AFF3: variants seen among roughly 807,000 people sequenced by gnomAD.
The protein encoded by AFF3 is ALF transcription elongation factor 3.
Under a neutral mutation model 129.7 loss-of-function variants are expected in AFF3, and 32 were observed. The ratio of observed to expected loss-of-function variants is 0.25; its 90% CI spans 0.19 to 0.33. AFF3 has a LOEUF of 0.33. Ranked by LOEUF, AFF3 falls within the 10% of genes least tolerant of loss-of-function variation. The pLI, the probability that AFF3 is intolerant of heterozygous loss-of-function variation, is 1.00. For missense variants in AFF3, 1,373 were observed against 1,592.0 expected (o/e 0.86, Z 2.34); for synonymous variants, 644 against 635.4 (o/e 1.01, Z -0.20).
chr2:100,036,579 A>G (rs1684927771), intron 4 of AFF3, among the ~76,000 whole-genome samples: 1 of 106,832 alleles, frequency 9.4e-6, no homozygotes. Context: ...GCAATGAGAG[A>G]GAATGTAAAA....
At chr2:99,819,134 C>T (rs1480355702) in intron 8 of AFF3, among the ~76,000 whole-genome samples, 1 of 152,230 alleles carries the variant, frequency 6.6e-6, no homozygotes, top group Non-Finnish European at 1.5e-5. Context: ...TGACGTCCCA[C>T]TGGCTTTCAT....
At chr2:99,944,351 G>A (rs1264864910) in intron 7 of AFF3, among the ~76,000 whole-genome samples, 1 of 152,198 alleles carries the variant, frequency 6.6e-6, no homozygotes, top group Non-Finnish European at 1.5e-5. Context: ...TTGGAGTTGA[G>A]TATATTGGGT....
intron 7 of AFF3, among the ~76,000 whole-genome samples, chr2:99,992,059 T>A (rs1442714541): frequency 6.6e-6 from 1 of 152,146 alleles, no homozygotes; most frequent in Non-Finnish European, 1.5e-5. Context: ...TTCACTAGAA[T>A]GTATACATTT....
chr2:99,673,359 CA>C (rs1687334142), intron 11 of AFF3, among the ~76,000 whole-genome samples: 1 of 152,072 alleles, frequency 6.6e-6, no homozygotes, highest in South Asian at 2.1e-4. Flanking sequence ...TTCCCCAGCC[CA>C]CCCAGGTCCC....
chr2:99,879,605 C>A (rs910959713), intron 7 of AFF3, among the ~76,000 whole-genome samples: 1 of 152,132 alleles, frequency 6.6e-6, no homozygotes, highest in Non-Finnish European at 1.5e-5. Flanking sequence ...TGCTCCAAGT[C>A]AACAGGGTAT....
At chr2:100,063,313 T>G (rs1687457659) in intron 4 of AFF3, among the ~76,000 whole-genome samples, 1 of 149,070 alleles carries the variant, frequency 6.7e-6, no homozygotes, top group African/African-American at 2.5e-5. Flanking sequence ...AAAAGAGCTG[T>G]GGAGATTGGC....
At chr2:99,573,754 G>T (rs1426265287) in intron 18 of AFF3, among the ~76,000 whole-genome samples, 2 of 152,194 alleles carry the variant, frequency 1.3e-5, no homozygotes, top group Admixed American at 1.3e-4. Context: ...GGTTCAGGTA[G>T]CCGGGCTCCT....
chr2:99,608,397 G>C (rs754619471), intron 13 of AFF3, among the ~76,000 whole-genome samples: 2 of 152,076 alleles, frequency 1.3e-5, no homozygotes, highest in Admixed American at 1.3e-4. Context: ...CCCTTACCAC[G>C]TTAAGGATTG....
chr2:100,104,792 T>TGCCGCCGCCGCCGCCGCCGCCGCCGCC (rs1442447145), intron 3 of AFF3: 1 of 740,454 alleles, frequency 1.4e-6, no homozygotes, highest in African/African-American at 3.0e-5. Flanking sequence ...CCCGGCCCGC[T>TGCCGCCGCCGCCGCCGCCGCCGCCGCC]GCTGCAGCCG....
chr2:99,870,152 C>T, intron 7 of AFF3, among the ~76,000 whole-genome samples: 1 of 152,304 alleles, frequency 6.6e-6, no homozygotes, highest in South Asian at 2.1e-4. Context: ...AACCTCTGCC[C>T]CAGCCTTAGC....
chr2:100,079,937 T>C (rs1688912938), intron 4 of AFF3, among the ~76,000 whole-genome samples: 1 of 152,186 alleles, frequency 6.6e-6, no homozygotes, highest in Non-Finnish European at 1.5e-5. Flanking sequence ...CCTGATCTTA[T>C]TTTCCTTGCT....
chr2:99,575,242 GAA>G (rs1676869687), intron 18 of AFF3, among the ~76,000 whole-genome samples: 2 of 151,876 alleles, frequency 1.3e-5, no homozygotes, highest in Non-Finnish European at 2.9e-5. Flanking sequence ...CTGCTTAAAG[GAA>G]GAGACGATGC....
At chr2:99,676,821 C>T (rs533748004) in intron 11 of AFF3, among the ~76,000 whole-genome samples, 2 of 152,188 alleles carry the variant, frequency 1.3e-5, no homozygotes, top group African/African-American at 2.4e-5. Context: ...GGCTTTATGT[C>T]GACAGGACAG....
chr2:100,072,404 T>C (rs992276830), intron 4 of AFF3, among the ~76,000 whole-genome samples: 3 of 152,166 alleles, frequency 2.0e-5, no homozygotes, highest in African/African-American at 4.8e-5. Flanking sequence ...ATGGAACAAC[T>C]GTCTTCCACG....
chr2:100,098,229 C>A (rs1209737719), intron 4 of AFF3, among the ~76,000 whole-genome samples: 4 of 150,100 alleles, frequency 2.7e-5, no homozygotes, highest in Admixed American at 2.7e-4. Flanking sequence ...AATTCCAAGA[C>A]AAAAGGGAAC....
intron 18 of AFF3, among the ~76,000 whole-genome samples, chr2:99,572,938 G>C (rs1676641264): frequency 6.6e-6 from 1 of 152,100 alleles, no homozygotes; most frequent in South Asian, 2.1e-4. Flanking sequence ...AGAGTCCCTG[G>C]AACCGGGCTT....
chr2:99,933,746 T>A (rs1158680619), intron 7 of AFF3, among the ~76,000 whole-genome samples: 1 of 152,204 alleles, frequency 6.6e-6, no homozygotes, highest in Non-Finnish European at 1.5e-5. Context: ...AGTCTATCAT[T>A]GATGGGCATT....
intron 24 of AFF3, among the ~76,000 whole-genome samples, chr2:99,553,846 G>A (rs745628438): frequency 1.4e-5 from 2 of 145,726 alleles, no homozygotes; most frequent in African/African-American, 2.5e-5. Context: ...CCCAGGAGAC[G>A]GAGGTTGCAG....
chr2:99,975,706 G>A (rs1028614696), intron 7 of AFF3, among the ~76,000 whole-genome samples: 10 of 149,672 alleles, frequency 6.7e-5, no homozygotes, highest in African/African-American at 2.5e-4. Flanking sequence ...GAGCAATTGT[G>A]GACACAGCCC....
Sources: gnomAD v4.1 joint callset for allele counts (sites outside exome capture counted in the v4.1 genomes callset) on GRCh38, gnomAD v4.1.1 for gene constraint, MANE v1.5 for transcripts, NCBI Gene and HGNC (gene_info 2026-07-23, HGNC 2026-07-21) for gene names.